PALLD: variants seen among roughly 807,000 people sequenced by gnomAD.
PALLD encodes the protein palladin, cytoskeletal associated protein, also known as palladin.
A neutral mutation model predicts 123.5 loss-of-function variants in PALLD; 61 were observed. That is an observed-to-expected ratio of 0.49 (90% confidence interval 0.40 to 0.61). PALLD has a LOEUF of 0.61. PALLD is among the 20% of genes least tolerant of loss of function. The pLI is 0.00. For synonymous variants in PALLD, 465 were observed against 496.4 expected, an observed-to-expected ratio of 0.94 and a Z score of 0.84; for missense variants, 1,273 against 1,377.0, an observed-to-expected ratio of 0.92 and a Z score of 1.20.
At chr4:168,718,034 A>T (rs1240049892) in intron 10 of PALLD, among the ~76,000 whole-genome samples, 3 of 152,162 alleles carry the variant, frequency 2.0e-5, no homozygotes, top group African/African-American at 7.2e-5. Flanking sequence ...TGACATGTTA[A>T]CACCCCATCA....
At chr4:168,826,755 G>A (rs528223542) in intron 10 of PALLD, among the ~76,000 whole-genome samples, 2 of 152,230 alleles carry the variant, frequency 1.3e-5, no homozygotes, top group East Asian at 1.9e-4. Flanking sequence ...TGGCAGCATC[G>A]CACTGTGTCT....
At chr4:168,677,696 G>A (rs1422130443) in intron 3 of PALLD, among the ~76,000 whole-genome samples, 1 of 151,884 alleles carries the variant, frequency 6.6e-6, no homozygotes, top group South Asian at 2.1e-4. Context: ...CCTTCTGATC[G>A]CCTTCACTGG....
At chr4:168,609,698 G>A (rs1376676965) in intron 2 of PALLD, among the ~76,000 whole-genome samples, 4 of 152,158 alleles carry the variant, frequency 2.6e-5, no homozygotes, top group Non-Finnish European at 4.4e-5. Flanking sequence ...AGTAAAAGGT[G>A]GGCTCCTGTG....
intron 2 of PALLD, among the ~76,000 whole-genome samples, chr4:168,558,254 A>G (rs1193952681): frequency 6.6e-6 from 1 of 152,152 alleles, no homozygotes; most frequent in African/African-American, 2.4e-5. Flanking sequence ...CAGTGCTGGC[A>G]GATCAGCGCT....
rs956560707 is a variant in PALLD, at chr4:168,926,113, G to A, written c.*33-100G>A. 4.1e-6 allele frequency: 4 copies of A among 973,354 alleles called. No homozygotes were observed. The East Asian group carries it at 1.1e-4, about 26-fold the overall frequency. 60.3% of individuals were successfully genotyped at this position (973,354 alleles called of 1,614,324 possible). On this transcript the variant is annotated intron_variant, in intron 21 of 21. Transcript: ENST00000505667. ...GTTTCTACCATGGATGTGTTCAGGTGCCTTGCATCTATCTAGACATTCTGT... is the reference window on the plus strand; with the variant it reads ...GTTTCTACCATGGATGTGTTCAGGTACCTTGCATCTATCTAGACATTCTGT...
chr4:168,753,980 A>G (rs375191084), intron 10 of PALLD, among the ~76,000 whole-genome samples: 1 of 152,244 alleles, frequency 6.6e-6, no homozygotes, highest in Non-Finnish European at 1.5e-5. Context: ...CAACAAGTAC[A>G]TACTATGTAA....
intron 10 of PALLD, among the ~76,000 whole-genome samples, chr4:168,846,492 AC>A (rs1261711357): frequency 6.6e-6 from 1 of 152,188 alleles, no homozygotes; most frequent in African/African-American, 2.4e-5. Flanking sequence ...AATTTTAAAC[AC>A]CCGTTATGCG....
intron 17 of PALLD, among the ~76,000 whole-genome samples, chr4:168,918,188 CA>C (rs1253657498): frequency 9.6e-4 from 138 of 143,962 alleles, no homozygotes; most frequent in African/African-American, 3.4e-3. Context: ...CCGTCTCCCC[CA>C]CAAAAAAAAA....
Position 168,682,987 on chromosome 4 carries a change from C to A in PALLD, c.1155-11C>A. 1.3e-6 allele frequency: 2 copies of A among 1,525,028 alleles called. No individual in the cohort carries two copies. Among genetic ancestry groups the A allele is most frequent in the Non-Finnish European group, 1.8e-6 (2 of 1,099,302 alleles). The allele number at this position is 1,525,028 out of a possible 1,614,324, so 94.5% of individuals were successfully genotyped here. On this transcript the variant is annotated splice_polypyrimidine_tract_variant and intron_variant, in intron 4 of 21. Transcript: ENST00000505667. ...ATATTCTGACTAAACACTCACCTTC[C>A]TATTTTCCAGAGCTCAAAAGAAAAC... is the stretch of plus-strand genomic sequence containing the variant.
At chr4:168,810,872 T>C (rs1741020513) in intron 10 of PALLD, among the ~76,000 whole-genome samples, 1 of 149,364 alleles carries the variant, frequency 6.7e-6, no homozygotes, top group South Asian at 2.1e-4. Flanking sequence ...AGCCAAAGTA[T>C]GATAGTTAGA....
At chr4:168,919,540 G>T (rs1760992766) in intron 17 of PALLD, among the ~76,000 whole-genome samples, 1 of 149,200 alleles carries the variant, frequency 6.7e-6, no homozygotes, top group Non-Finnish European at 1.5e-5. Context: ...AAAAAAAAGT[G>T]AAAAACCTTG....
chr4:168,817,394 G>T (rs1209568862), intron 10 of PALLD, among the ~76,000 whole-genome samples: 3 of 152,162 alleles, frequency 2.0e-5, no homozygotes, highest in Non-Finnish European at 4.4e-5. Flanking sequence ...CCTGAACACT[G>T]AATTATAACT....
chr4:168,529,013 G>A (rs569247162), intron 2 of PALLD, among the ~76,000 whole-genome samples: 2 of 152,288 alleles, frequency 1.3e-5, no homozygotes, highest in African/African-American at 4.8e-5. Flanking sequence ...TCAGTGGAAA[G>A]GAGGAAGCAC....
chr4:168,499,328 A>C (rs1761136482), intron 1 of PALLD, among the ~76,000 whole-genome samples: 1 of 49,590 alleles, frequency 2.0e-5, no homozygotes, highest in Non-Finnish European at 3.5e-5. Context: ...GACATGGAAG[A>C]AGGGGGAAGG....
At chr4:168,723,434 G>A (rs866558842) in intron 10 of PALLD, among the ~76,000 whole-genome samples, 1 of 152,198 alleles carries the variant, frequency 6.6e-6, no homozygotes, top group African/African-American at 2.4e-5. Context: ...CCAGACTTCA[G>A]TTAAGACAAA....
chr4:168,519,277 A>C (rs1763297034), intron 2 of PALLD, among the ~76,000 whole-genome samples: 1 of 152,128 alleles, frequency 6.6e-6, no homozygotes, highest in South Asian at 2.1e-4. Flanking sequence ...ACACAGATAT[A>C]AACTACATCA....
At chr4:168,863,135 T>C (rs1400965978) in intron 10 of PALLD, among the ~76,000 whole-genome samples, 5 of 152,162 alleles carry the variant, frequency 3.3e-5, no homozygotes, top group Admixed American at 2.0e-4. Context: ...GTATGAATAA[T>C]GTACATTTGA....
At chr4:168,618,065 A>G (rs2723688) in intron 2 of PALLD, among the ~76,000 whole-genome samples, 115,477 of 152,094 alleles carry the variant, frequency 0.76, 44,056 homozygotes, top group Admixed American at 0.85. Context: ...AAGTAACACC[A>G]ATGAGAACAG....
chr4:168,570,281 G>C (rs1359517560), intron 2 of PALLD, among the ~76,000 whole-genome samples: 2 of 152,038 alleles, frequency 1.3e-5, no homozygotes, highest in Admixed American at 6.6e-5. Flanking sequence ...TGAAATGTTT[G>C]GTTTTTGTTT....
Sources: allele counts gnomAD v4.1 joint callset (sites outside exome capture counted in the v4.1 genomes callset), GRCh38; gene constraint gnomAD v4.1.1; transcripts MANE v1.5; gene names NCBI Gene and HGNC (gene_info 2026-07-23, HGNC 2026-07-21).